Variants in THAP4 observed in about 807,000 individuals in gnomAD.
The protein encoded by THAP4 is peroxynitrite isomerase THAP4.
THAP4 carries 18 observed loss-of-function variants against 48.1 expected under a neutral mutation model. The observed-to-expected ratio is 0.37, with a 90% CI of 0.26 to 0.56. The LOEUF (loss-of-function observed/expected upper bound fraction) is 0.56. Ranked by LOEUF, THAP4 falls within the 20% of genes least tolerant of loss-of-function variation. The pLI is 0.78. For missense variants in THAP4, 656 were observed against 774.9 expected, an observed-to-expected ratio of 0.85 and a Z score of 1.82; for synonymous variants, 345 against 324.9, an observed-to-expected ratio of 1.06 and a Z score of -0.66.
intron 2 of THAP4, among the ~76,000 whole-genome samples, chr2:241,630,463 G>C (rs966654597): frequency 6.6e-6 from 1 of 152,160 alleles, no homozygotes; most frequent in Non-Finnish European, 1.5e-5. Context: ...TTAACCAAGA[G>C]GAACAGAGAG....
chr2:241,634,019 G>C lies in THAP4; in HGVS notation c.138C>G (p.Asn46Lys). The change falls in exon 2 of 6, where the codon AAC (asparagine) becomes AAG (lysine). Residue 46 changes from asparagine (N) to lysine (K), a missense_variant. Transcript: ENST00000407315. ...IQWLKAVQRD[N>K]WTPTKYSFLC... ...GAAATGAATACTTAGTGGGAGTCCA[G>C]TTATCCCTCTGAACAGCTTTTAACC... The C allele has an allele frequency of 6.2e-7, 1 of 1,614,004 alleles. No homozygotes were observed. The highest frequency in any genetic ancestry group is 8.5e-7 in the Non-Finnish European group (1 of 1,179,948).
chr2:241,615,398 A>C (rs2067326876), intron 2 of THAP4, among the ~76,000 whole-genome samples: 2 of 152,216 alleles, frequency 1.3e-5, no homozygotes, highest in Non-Finnish European at 2.9e-5. Flanking sequence ...AGAAAACTTA[A>C]AAAAACTAAA....
upstream of THAP4, chr2:241,637,388 A>C (rs777561851): frequency 2.9e-4 from 410 of 1,413,708 alleles, 1 homozygote; most frequent in Non-Finnish European, 3.6e-4. Context: ...GGACGGGGAC[A>C]GAGCTCGCCT....
intron 5 of THAP4, among the ~76,000 whole-genome samples, chr2:241,586,262 G>GAAAAAAAAAAAAAAAAAAAAAAA (rs11320455): frequency 1.2e-5 from 1 of 83,988 alleles, no homozygotes; most frequent in Non-Finnish European, 2.3e-5. Context: ...ATCTGAAGAG[G>GAAAAAAAAAAAAAAAAAAAAAAA]AAAAAAAAAA....
intron 2 of THAP4, among the ~76,000 whole-genome samples, chr2:241,629,772 G>A (rs1036778160): frequency 3.3e-5 from 5 of 151,678 alleles, no homozygotes; most frequent in Non-Finnish European, 7.4e-5. Flanking sequence ...ATGGTCTTGA[G>A]GCAGAAAGCA....
At chr2:241,596,800 C>T (rs1275678933) in intron 5 of THAP4, among the ~76,000 whole-genome samples, 2 of 151,918 alleles carry the variant, frequency 1.3e-5, no homozygotes, top group East Asian at 2.0e-4. Context: ...AGCGAGACTC[C>T]GTCTCAAAAA....
rs1575042020 is a variant in THAP4, at chr2:241,633,905, G to A, written c.252C>T (p.Ile84=). ...RLLKPTAVPS[I]FHLTEKKRGA... is the part of the protein sequence containing the mutation. ...CCCTCTTCTTCTCGGTCAGGTGGAAGATGGATGGCACGGCCGTGGGCTTCA... is the reference window on the plus strand; with the variant it reads ...CCCTCTTCTTCTCGGTCAGGTGGAAAATGGATGGCACGGCCGTGGGCTTCA... The change falls in exon 2 of 6, where the codon ATC becomes ATT. Residue 84 remains isoleucine (I), a synonymous_variant. Transcript: ENST00000407315. The surrounding 1 kb of genome is among the most constrained non-coding windows in gnomAD (Gnocchi z 7.5). 5.6e-6 allele frequency: 9 copies of A among 1,614,142 alleles called. No individual in the cohort carries two copies. In the East Asian group the frequency reaches 1.3e-4, roughly 24 times the overall value.
Position 241,633,627 on chromosome 2 carries a change from T to C in THAP4, c.530A>G (p.Asp177Gly). The C allele has an allele frequency of 6.2e-7, 1 of 1,613,042 alleles. No homozygotes were observed. Residue 177 changes from aspartate (D) to glycine (G), a missense_variant, in exon 2 of 6, where the codon GAT (aspartate) becomes GGT (glycine). Asp to Gly is a moderately conservative substitution (Grantham distance 94). Coordinates refer to ENST00000407315, the MANE Select transcript of THAP4 (RefSeq NM_015963.6). This position sits in a 1 kb window ranked among gnomAD's most constrained non-coding sequence, Gnocchi z 7.5. The stretch of plus-strand genomic sequence containing the variant: ...GCCTGCCACCATGGTGGCCAGTCCA[T>C]CTCCTGGAGTCCGTTCCAGAGCTTG... ...AQQALERTPG[D>G]GLATMVAGSQ... is the part of the protein sequence containing the mutation.
At chr2:241,621,145 C>G (rs1046687046) in intron 2 of THAP4, among the ~76,000 whole-genome samples, 8 of 152,044 alleles carry the variant, frequency 5.3e-5, no homozygotes, top group Non-Finnish European at 1.2e-4. Context: ...GTCAGGAGTT[C>G]GAGACCAGCC....
chr2:241,634,384 AGACAGTGCCAGGATGGCCTCAG>A (rs1219255024), intron 1 of THAP4, among the ~76,000 whole-genome samples: 1 of 152,230 alleles, frequency 6.6e-6, no homozygotes, highest in Non-Finnish European at 1.5e-5. Flanking sequence ...GGATGCTGAC[AGACAGTGCCAGGATGGCCTCAG>A]GACAGCAGGA....
intron 5 of THAP4, among the ~76,000 whole-genome samples, chr2:241,586,406 C>G (rs1325001171): frequency 6.6e-6 from 1 of 152,084 alleles, no homozygotes; most frequent in Non-Finnish European, 1.5e-5. Context: ...AGCTGTCCAT[C>G]CTTGACCAAC....
rs780293026 is a variant in THAP4 at position 241,601,935 on chromosome 2, G to A, written c.1575C>T (p.Ile525=). ...GCTCCTTGGCGAAGGAGATCCTGGC[G>A]ATGGAGTGGGATGCGATGCACAGCT... is the stretch of plus-strand genomic sequence containing the variant. ...GQELCIASHS[I]ARISFAKEPH... Residue 525 remains isoleucine (I), a synonymous_variant, in exon 5 of 6, where the codon ATC becomes ATT. Transcript: ENST00000407315. The surrounding 1 kb of genome is among the most constrained non-coding windows in gnomAD (Gnocchi z 4.0). 3.2e-5 allele frequency: 51 copies of A among 1,613,302 alleles called. No individual in the cohort carries two copies. The highest frequency in any genetic ancestry group is 3.8e-5 in the Non-Finnish European group (45 of 1,180,040).
At chr2:241,620,765 A>AT (rs2067420369) in intron 2 of THAP4, among the ~76,000 whole-genome samples, 1 of 152,002 alleles carries the variant, frequency 6.6e-6, no homozygotes, top group Non-Finnish European at 1.5e-5. Context: ...CACTAAATCG[A>AT]TTAAAAAAAA....
chr2:241,600,511 A>G (rs1043601728), intron 5 of THAP4, among the ~76,000 whole-genome samples: 3 of 151,802 alleles, frequency 2.0e-5, no homozygotes, highest in African/African-American at 7.3e-5. Context: ...GTGGATCACA[A>G]GGTCAGGAGA....
intron 2 of THAP4, 100 bp from the exon 3 acceptor site, chr2:241,606,573 G>T: frequency 8.5e-7 from 1 of 1,182,608 alleles, no homozygotes; most frequent in Non-Finnish European, 1.1e-6. Context: ...TGCTTCTGGT[G>T]GCCACAGCTA....
intron 4 of THAP4, 67 bp downstream of exon 4, chr2:241,602,902 AC>A: frequency 8.2e-7 from 1 of 1,221,066 alleles, no homozygotes; most frequent in Admixed American, 1.7e-5. Flanking sequence ...GCATCCCTGC[AC>A]CCCTGCTTCG....
At chr2:241,602,506 C>T (rs1377965085) in intron 4 of THAP4, among the ~76,000 whole-genome samples, 2 of 152,248 alleles carry the variant, frequency 1.3e-5, no homozygotes, top group African/African-American at 4.8e-5. Context: ...CTTGGGATTA[C>T]AGGCATGCAC....
At chr2:241,613,420 C>T (rs1364817308) in intron 2 of THAP4, among the ~76,000 whole-genome samples, 3 of 152,148 alleles carry the variant, frequency 2.0e-5, no homozygotes, top group Non-Finnish European at 4.4e-5. Flanking sequence ...AGAGCTGACA[C>T]CACAGAGGCT....
chr2:241,608,028 G>T (rs1358694582), intron 2 of THAP4, among the ~76,000 whole-genome samples: 1 of 151,828 alleles, frequency 6.6e-6, no homozygotes, highest in Non-Finnish European at 1.5e-5. Flanking sequence ...GCAAGCAGAA[G>T]ACGGACTGAC....
Sources: gnomAD v4.1 joint callset for allele counts (sites outside exome capture counted in the v4.1 genomes callset) on GRCh38, gnomAD v4.1.1 for gene constraint, Gnocchi (gnomAD v3.1) non-coding constraint, MANE v1.5 for transcripts, NCBI Gene and HGNC (gene_info 2026-07-23, HGNC 2026-07-21) for gene names.